The following SLIT3 variants were observed in gnomAD, a reference collection of about 807,000 sequenced individuals.
The protein encoded by SLIT3 is slit guidance ligand 3.
SLIT3 carries 68 observed loss-of-function variants against 184.0 expected under a neutral mutation model. The ratio of observed to expected loss-of-function variants is 0.37; its 90% CI spans 0.30 to 0.45. The LOEUF is 0.45. Ranked by LOEUF, SLIT3 falls within the 20% of genes least tolerant of loss-of-function variation. SLIT3 has a pLI of 1.00. For synonymous variants in SLIT3, 831 were observed against 828.6 expected, an observed-to-expected ratio of 1.00 and a Z score of -0.05; for missense variants, 1,707 against 2,026.0, an observed-to-expected ratio of 0.84 and a Z score of 3.02.
At chr5:168,783,342 C>G (rs534858370) in intron 12 of SLIT3, among the ~76,000 whole-genome samples, 1 of 151,998 alleles carries the variant, frequency 6.6e-6, no homozygotes, top group Admixed American at 6.6e-5. Flanking sequence ...AGGAACACAC[C>G]GAGAAAAGCT....
chr5:168,947,245 C>T (rs956111369), intron 4 of SLIT3, among the ~76,000 whole-genome samples: 1 of 152,168 alleles, frequency 6.6e-6, no homozygotes, highest in Admixed American at 6.5e-5. Context: ...AAAACAGATG[C>T]TTGCCTCTGC....
intron 12 of SLIT3, among the ~76,000 whole-genome samples, chr5:168,782,199 G>A (rs963094624): frequency 3.9e-5 from 6 of 152,112 alleles, no homozygotes; most frequent in Non-Finnish European, 8.8e-5. Flanking sequence ...AACAACAGGT[G>A]CTAGAGTTGT....
intron 4 of SLIT3, among the ~76,000 whole-genome samples, chr5:169,048,965 C>T (rs905884043): frequency 2.6e-5 from 4 of 152,112 alleles, no homozygotes; most frequent in South Asian, 2.1e-4. Context: ...TTGAGAGTGA[C>T]GCCACAACCA....
At chr5:168,979,209 G>T (rs187672750) in intron 4 of SLIT3, among the ~76,000 whole-genome samples, 4 of 152,234 alleles carry the variant, frequency 2.6e-5, no homozygotes, top group African/African-American at 9.6e-5. Context: ...TCTCAAACCA[G>T]ATCAACCTTC....
intron 4 of SLIT3, among the ~76,000 whole-genome samples, chr5:169,148,314 T>G (rs1235792787): frequency 2.0e-5 from 3 of 152,182 alleles, no homozygotes; most frequent in African/African-American, 4.8e-5. Flanking sequence ...ACTATACACA[T>G]GCTTGGGCTG....
At chr5:169,226,925 T>C (rs1764832756) in intron 3 of SLIT3, among the ~76,000 whole-genome samples, 1 of 151,872 alleles carries the variant, frequency 6.6e-6, no homozygotes, top group African/African-American at 2.4e-5. Flanking sequence ...ATGAGATATA[T>C]ACTAAGGCTA....
Position 169,195,795 on chromosome 5 carries a change from G to A in SLIT3, c.342-2245C>T, listed in dbSNP as rs145464544. ...CCCACCTCAGCCTCCCAAAGTGCTG[G>A]AATTACAGGAGTGAGTCACCGTGCC... On this transcript the variant is annotated intron_variant, in intron 3 of 35. Transcript: ENST00000519560. Among the ~76,000 whole-genome samples the A allele has an allele frequency of 6.5e-3, 984 of 152,186 alleles. 11 individuals are homozygous for A. Among genetic ancestry groups the A allele is most frequent in the African/African-American group, 0.022 (909 of 41,506 alleles).
chr5:168,951,279 T>G (rs1190462491), intron 4 of SLIT3, among the ~76,000 whole-genome samples: 1 of 152,180 alleles, frequency 6.6e-6, no homozygotes, highest in Non-Finnish European at 1.5e-5. Context: ...ATAGTGCATC[T>G]TATAGATTCA....
chr5:169,164,909 C>T (rs563612355), intron 4 of SLIT3, among the ~76,000 whole-genome samples: 2 of 152,376 alleles, frequency 1.3e-5, no homozygotes, highest in Non-Finnish European at 2.9e-5. Flanking sequence ...ACAGAAGATA[C>T]CCTGCCGTTG....
chr5:168,687,880 G>C (rs1761794089), intron 29 of SLIT3, among the ~76,000 whole-genome samples: 1 of 152,214 alleles, frequency 6.6e-6, no homozygotes, highest in Admixed American at 6.5e-5. Flanking sequence ...ACCTGGGCAA[G>C]AGGATGGGAA....
At chr5:168,847,871 C>T (rs994106403) in intron 5 of SLIT3, among the ~76,000 whole-genome samples, 4 of 152,146 alleles carry the variant, frequency 2.6e-5, no homozygotes, top group African/African-American at 9.7e-5. Context: ...AGGTCCATAT[C>T]GTGCCTTTGA....
rs913704080 is a variant in SLIT3, at chr5:168,898,085, A to G, written c.414-14749T>C. On this transcript the variant is annotated intron_variant, in intron 4 of 35. Coordinates refer to ENST00000519560, the MANE Select transcript of SLIT3 (RefSeq NM_003062.4). ...TTTACATTACAAAGCGAGTTTTTAA[A>G]AGCTCCATAAAATTTCAAGGCACAT... 3.3e-5 allele frequency among the ~76,000 whole-genome samples: 5 copies of G among 152,260 alleles called. No individual in the cohort carries two copies. The East Asian group carries it at 9.6e-4, about 29-fold the overall frequency.
At chr5:169,238,978 G>A (rs903926944) in intron 3 of SLIT3, among the ~76,000 whole-genome samples, 15 of 152,146 alleles carry the variant, frequency 9.9e-5, no homozygotes, top group Admixed American at 5.9e-4. Context: ...CCTAAGAACC[G>A]TAGCTGCCTT....
chr5:168,966,587 G>A (rs1201247962), intron 4 of SLIT3, among the ~76,000 whole-genome samples: 5 of 152,174 alleles, frequency 3.3e-5, no homozygotes, highest in Non-Finnish European at 7.3e-5. Context: ...ACCTGGTGGT[G>A]AGAGAATCTC....
chr5:168,755,389 A>ATTTATTTCTTTCTTTCTTTCTTTCTTTC (rs1213373035), intron 16 of SLIT3, among the ~76,000 whole-genome samples: 13 of 133,774 alleles, frequency 9.7e-5, no homozygotes, highest in Non-Finnish European at 1.3e-4. Flanking sequence ...CAGTGCCGCC[A>ATTTATTTCTTTCTTTCTTTCTTTCTTTC]TTTCTTTCTT....
intron 9 of SLIT3, among the ~76,000 whole-genome samples, chr5:168,805,737 T>G (rs1561942644): frequency 6.6e-6 from 1 of 152,186 alleles, no homozygotes; most frequent in African/African-American, 2.4e-5. Flanking sequence ...AAATCAGATC[T>G]GAGATAATTA....
rs766266973 is a variant in SLIT3 at position 169,167,184 on chromosome 5, AAAAAC to A, written c.413+26290_413+26294del. Among the ~76,000 whole-genome samples, 287 of 149,998 alleles carry A rather than the reference AAAAAC, an allele frequency of 1.9e-3. 1 individual carries two copies. Among genetic ancestry groups the A allele is most frequent in the Middle Eastern group, 0.014 (4 of 290 alleles). On this transcript the variant is annotated intron_variant, in intron 4 of 35. Coordinates refer to ENST00000519560, the MANE Select transcript of SLIT3 (RefSeq NM_003062.4). ...GACCCTGTCTCTTAAAAACAAAAAC[AAAAAC>A]AAAACAAAACAAAAAAAACCGATGA...
intron 3 of SLIT3, among the ~76,000 whole-genome samples, chr5:169,221,902 GATGTAC>G (rs1561748540): frequency 6.6e-6 from 1 of 152,138 alleles, no homozygotes; most frequent in Admixed American, 6.5e-5. Context: ...AAATACATAG[GATGTAC>G]AGAGATTGCT....
intron 8 of SLIT3, among the ~76,000 whole-genome samples, chr5:168,814,118 G>A (rs748849607): frequency 3.3e-5 from 5 of 152,152 alleles, no homozygotes; most frequent in Non-Finnish European, 4.4e-5. Flanking sequence ...CCACAGGGCC[G>A]GGTGCGGTGG....
Sources: gnomAD v4.1 joint callset for allele counts (sites outside exome capture counted in the v4.1 genomes callset) on GRCh38, gnomAD v4.1.1 for gene constraint, MANE v1.5 for transcripts, NCBI Gene and HGNC (gene_info 2026-07-23, HGNC 2026-07-21) for gene names.